Variants in CAST observed in about 807,000 individuals in gnomAD.
The protein encoded by CAST is calpastatin, also known as MIR583 host.
A neutral mutation model predicts 119.6 loss-of-function variants in CAST; 76 were observed. The observed-to-expected ratio is 0.64, with a 90% CI of 0.53 to 0.77. CAST has a LOEUF of 0.77. Among genes scored for constraint, CAST ranks in the 30% least tolerant of loss-of-function variants. The pLI is 0.00. For missense variants in CAST, 953 were observed against 946.5 expected (o/e 1.01, Z -0.09); for synonymous variants, 319 against 331.6 (o/e 0.96, Z 0.41).
chr5:96,231,452 T>C, the CAST span, among the ~76,000 whole-genome samples: 1 of 151,962 alleles, frequency 6.6e-6, no homozygotes, highest in Non-Finnish European at 1.5e-5. Flanking sequence ...AGGCAGAAAA[T>C]AATGCGCTTA....
chr5:96,708,010 G>T (rs1258233142), intron 3 of CAST, among the ~76,000 whole-genome samples: 1 of 152,138 alleles, frequency 6.6e-6, no homozygotes, highest in Non-Finnish European at 1.5e-5. Context: ...TCAGTTACAT[G>T]TGCTTTTTCC....
chr5:96,232,004 G>A, the CAST span, among the ~76,000 whole-genome samples: 1 of 152,012 alleles, frequency 6.6e-6, no homozygotes, highest in East Asian at 1.9e-4. Context: ...TAGGTCCATG[G>A]TGCTTTAAAG....
intron 2 of CAST, among the ~76,000 whole-genome samples, chr5:96,685,049 A>AAT (rs141170583): frequency 7.3e-5 from 11 of 150,840 alleles, no homozygotes; most frequent in South Asian, 4.2e-4. Flanking sequence ...AGAATATATA[A>AAT]ATATATATAT....
chr5:96,696,725 G>A (rs1430319995), intron 3 of CAST, among the ~76,000 whole-genome samples: 2 of 141,386 alleles, frequency 1.4e-5, no homozygotes, highest in Non-Finnish European at 3.1e-5. Context: ...GCTTGGTGAT[G>A]CGTGCCTATA....
chr5:96,507,319 G>C, the CAST span, among the ~76,000 whole-genome samples: 1 of 152,168 alleles, frequency 6.6e-6, no homozygotes, highest in Non-Finnish European at 1.5e-5. Flanking sequence ...CTTACCCTGA[G>C]CTTCATCCAA....
At chr5:96,220,355 C>T in the CAST span, among the ~76,000 whole-genome samples, 2 of 152,128 alleles carry the variant, frequency 1.3e-5, no homozygotes, top group African/African-American at 4.8e-5. Flanking sequence ...CCCTCAAGTA[C>T]ACTAGGACTT....
At chr5:95,981,187 T>C in the CAST span, among the ~76,000 whole-genome samples, 1 of 152,174 alleles carries the variant, frequency 6.6e-6, no homozygotes, top group African/African-American at 2.4e-5. Context: ...TGTTGTCTCA[T>C]TGGATTTCAC....
chr5:96,074,601 G>A, the CAST span, among the ~76,000 whole-genome samples: 1 of 152,294 alleles, frequency 6.6e-6, no homozygotes. Context: ...TGGCAGCCTG[G>A]GCTGGCTAGT....
intron 1 of CAST, 148 bp downstream of exon 1, chr5:96,662,645 C>G (rs976435158): frequency 1.2e-4 from 135 of 1,110,084 alleles, no homozygotes; most frequent in Non-Finnish European, 1.5e-4. Flanking sequence ...GGGGCTTGGC[C>G]GCTGCCAGGC....
At chr5:96,430,567 A>G in the CAST span, among the ~76,000 whole-genome samples, 1 of 152,158 alleles carries the variant, frequency 6.6e-6, no homozygotes, top group South Asian at 2.1e-4. Context: ...CACTACCTTA[A>G]TCCAAGCTTT....
intron 30 of CAST, among the ~76,000 whole-genome samples, chr5:96,771,416 G>A (rs545278323): frequency 6.6e-6 from 1 of 152,092 alleles, no homozygotes; most frequent in Admixed American, 6.5e-5. Context: ...AAAAAATAAA[G>A]CTGAGAGTGA....
the CAST span, among the ~76,000 whole-genome samples, chr5:96,000,511 G>A: frequency 2.0e-5 from 3 of 152,084 alleles, no homozygotes; most frequent in East Asian, 1.9e-4. Flanking sequence ...CGGGAGCTTC[G>A]CTGTGTAGTA....
At chr5:96,677,415 G>C (rs17477471) in intron 2 of CAST, among the ~76,000 whole-genome samples, 6,330 of 152,300 alleles carry the variant, frequency 0.042, 175 homozygotes, top group Middle Eastern at 0.092. Context: ...ACTGACGGTA[G>C]ATAGTTAAGT....
At chr5:96,663,150 G>C (rs1265592177) in intron 1 of CAST, 17 of 702,540 alleles carry the variant, frequency 2.4e-5, no homozygotes, top group Non-Finnish European at 3.4e-5. Context: ...GCATTCGCCA[G>C]CTGGTGGTAC....
chr5:96,458,535 A>G, the CAST span, among the ~76,000 whole-genome samples: 4 of 152,270 alleles, frequency 2.6e-5, no homozygotes, highest in Non-Finnish European at 5.9e-5. Flanking sequence ...CACCCACCAC[A>G]ATTTAATAAA....
At chr5:96,716,866 G>T (rs1581100861) in intron 3 of CAST, among the ~76,000 whole-genome samples, 1 of 152,120 alleles carries the variant, frequency 6.6e-6, no homozygotes, top group East Asian at 1.9e-4. Flanking sequence ...TAACCCTGTA[G>T]GGTGCATGGT....
chr5:96,324,229 A>G, the CAST span, among the ~76,000 whole-genome samples: 1 of 152,164 alleles, frequency 6.6e-6, no homozygotes, highest in African/African-American at 2.4e-5. Context: ...AGCTGTCTCC[A>G]TTTCTTAATT....
At chr5:96,320,072 T>C in the CAST span, among the ~76,000 whole-genome samples, 1 of 151,768 alleles carries the variant, frequency 6.6e-6, no homozygotes, top group African/African-American at 2.4e-5. Flanking sequence ...GTCGCCCTGC[T>C]GAAAAACAAA....
At chr5:96,502,091 A>G in the CAST span, among the ~76,000 whole-genome samples, 3 of 151,734 alleles carry the variant, frequency 2.0e-5, no homozygotes, top group Admixed American at 2.0e-4. Context: ...TGAAAAAAAC[A>G]CAATTGGCAA....
Sources: allele counts gnomAD v4.1 joint callset (sites outside exome capture counted in the v4.1 genomes callset), GRCh38; gene constraint gnomAD v4.1.1; transcripts MANE v1.5; gene names NCBI Gene and HGNC (gene_info 2026-07-23, HGNC 2026-07-21).